The following WDR72 variants were observed in gnomAD, a reference collection of about 807,000 sequenced individuals.
WDR72 encodes WD repeat domain 72, also known as WD repeat-containing protein 72.
WDR72 carries 120 observed loss-of-function variants against 124.2 expected under a neutral mutation model. That is an observed-to-expected ratio of 0.97 (90% CI 0.83 to 1.12). The LOEUF (loss-of-function observed/expected upper bound fraction) is 1.12. Ranked by LOEUF, WDR72 falls within the 50% of genes most tolerant of loss-of-function variation. The pLI is 0.00. For missense variants in WDR72, 1,387 were observed against 1,278.8 expected, an observed-to-expected ratio of 1.08 and a Z score of -1.29; for synonymous variants, 452 against 441.7, an observed-to-expected ratio of 1.02 and a Z score of -0.29.
chr15:53,666,959 A>G (rs972779514), intron 13 of WDR72, among the ~76,000 whole-genome samples: 1 of 152,196 alleles, frequency 6.6e-6, no homozygotes, highest in Non-Finnish European at 1.5e-5. Flanking sequence ...TCCCTTAACA[A>G]TATACTTTTA....
intron 1 of WDR72, among the ~76,000 whole-genome samples, chr15:53,756,251 C>G (rs188516128): frequency 6.6e-5 from 10 of 152,296 alleles, no homozygotes; most frequent in African/African-American, 2.2e-4. Flanking sequence ...TCATAAGGGG[C>G]TTCCCCCTTT....
At chr15:53,757,084 A>G (rs2018928990) in intron 1 of WDR72, among the ~76,000 whole-genome samples, 1 of 152,184 alleles carries the variant, frequency 6.6e-6, no homozygotes, top group Admixed American at 6.5e-5. Context: ...TGACACATGT[A>G]AATAAAGAAA....
At chr15:53,612,574 A>G (rs1309480068) in intron 16 of WDR72, among the ~76,000 whole-genome samples, 1 of 152,020 alleles carries the variant, frequency 6.6e-6, no homozygotes, top group Non-Finnish European at 1.5e-5. Flanking sequence ...AAGAGTAAAA[A>G]GGCTAGGGTA....
chr15:53,540,541 C>A, intron 18 of WDR72, among the ~76,000 whole-genome samples: 1 of 106,672 alleles, frequency 9.4e-6, no homozygotes. Flanking sequence ...ATAATGAAGA[C>A]ATAACAATAC....
At chr15:53,685,614 G>T (rs972332876) in intron 13 of WDR72, among the ~76,000 whole-genome samples, 12 of 149,372 alleles carry the variant, frequency 8.0e-5, no homozygotes, top group African/African-American at 3.0e-4. Context: ...TGGGGAGAAT[G>T]GAACCAAGTT....
At chr15:53,699,672 C>G (rs984172247) in intron 13 of WDR72, 78 bp downstream of exon 13, 2 of 1,507,414 alleles carry the variant, frequency 1.3e-6, no homozygotes, top group African/African-American at 2.8e-5. Context: ...ACCGTGTCTT[C>G]TCTGAAACTT....
intron 13 of WDR72, among the ~76,000 whole-genome samples, chr15:53,672,088 G>C (rs1409429043): frequency 6.6e-6 from 1 of 152,002 alleles, no homozygotes; most frequent in Non-Finnish European, 1.5e-5. Flanking sequence ...ATACACACCT[G>C]AATCCTTATA....
chr15:53,650,972 T>C (rs1054621474), intron 14 of WDR72, among the ~76,000 whole-genome samples: 1 of 151,004 alleles, frequency 6.6e-6, no homozygotes, highest in African/African-American at 2.5e-5. Context: ...TTACTCCTTT[T>C]GAGTAAAATC....
intron 18 of WDR72, among the ~76,000 whole-genome samples, chr15:53,575,869 T>C (rs571568687): frequency 6.6e-6 from 1 of 152,246 alleles, no homozygotes; most frequent in South Asian, 2.1e-4. Flanking sequence ...ACTTAGCTCA[T>C]CACTATCTAC....
At chr15:53,598,547 C>T (rs530685829) in intron 17 of WDR72, among the ~76,000 whole-genome samples, 37 of 152,184 alleles carry the variant, frequency 2.4e-4, no homozygotes, top group African/African-American at 6.5e-4. Flanking sequence ...GGACATCCAA[C>T]GAGCTTATTA....
intron 7 of WDR72, 88 bp from the exon 8 acceptor site, chr15:53,711,569 C>A: frequency 4.3e-6 from 6 of 1,383,796 alleles, no homozygotes; most frequent in Admixed American, 1.7e-5. Context: ...AATAATATAA[C>A]AACATAGTAA....
In WDR72 at chr15:53,680,108, A is replaced by G. The variant is rs192217706; in HGVS notation, c.1766-14340T>C. ...CTAAGAGAATGTAGGCCTATACTCC[A>G]AATAACTGGTAGCAAGGTGGCCAGA... On this transcript the variant is annotated intron_variant, in intron 13 of 19. Transcript: ENST00000360509. 6.3e-3 allele frequency among the ~76,000 whole-genome samples: 960 copies of G among 152,314 alleles called. 8 individuals carry two copies. Among genetic ancestry groups the G allele is most frequent in the Non-Finnish European group, 8.0e-3 (542 of 68,030 alleles).
intron 6 of WDR72, among the ~76,000 whole-genome samples, chr15:53,714,214 C>T (rs2017638840): frequency 1.5e-5 from 2 of 136,636 alleles, no homozygotes; most frequent in Non-Finnish European, 3.2e-5. Flanking sequence ...TAAATGAAAA[C>T]ATTTGTATAT....
intron 18 of WDR72, among the ~76,000 whole-genome samples, chr15:53,534,667 TGTATC>T (rs1169196780): frequency 2.0e-5 from 3 of 152,170 alleles, no homozygotes; most frequent in Non-Finnish European, 2.9e-5. Flanking sequence ...TATACTGAAA[TGTATC>T]TTATATATAA....
At chr15:53,627,708 A>T (rs2014266423) in intron 14 of WDR72, among the ~76,000 whole-genome samples, 1 of 152,008 alleles carries the variant, frequency 6.6e-6, no homozygotes, top group Non-Finnish European at 1.5e-5. Flanking sequence ...CATGAAATAA[A>T]GGATGACATA....
At chr15:53,638,820 T>A (rs945636781) in intron 14 of WDR72, among the ~76,000 whole-genome samples, 1 of 151,886 alleles carries the variant, frequency 6.6e-6, no homozygotes, top group Non-Finnish European at 1.5e-5. Flanking sequence ...CTGACCAACA[T>A]GGCAAAACCC....
chr15:53,596,221 CAA>C (rs1474756751), intron 18 of WDR72, among the ~76,000 whole-genome samples: 1 of 152,032 alleles, frequency 6.6e-6, no homozygotes, highest in Non-Finnish European at 1.5e-5. Flanking sequence ...GTTTTCCTGA[CAA>C]AAACACATAT....
intron 1 of WDR72, among the ~76,000 whole-genome samples, chr15:53,753,483 G>T (rs951995707): frequency 6.6e-6 from 1 of 152,156 alleles, no homozygotes; most frequent in Non-Finnish European, 1.5e-5. Flanking sequence ...AGAATCCCAA[G>T]GTGGTTTGGA....
chr15:53,594,967 T>C (rs1308660287), intron 18 of WDR72, among the ~76,000 whole-genome samples: 2 of 152,172 alleles, frequency 1.3e-5, no homozygotes, highest in African/African-American at 4.8e-5. Context: ...TAGTTCTCTC[T>C]TCGATGTATT....
Sources: allele counts gnomAD v4.1 joint callset (sites outside exome capture counted in the v4.1 genomes callset), GRCh38; gene constraint gnomAD v4.1.1; transcripts MANE v1.5; gene names NCBI Gene and HGNC (gene_info 2026-07-23, HGNC 2026-07-21).